The following PPP1CB variants were observed in gnomAD, a reference collection of about 807,000 sequenced individuals.
The protein encoded by PPP1CB is protein phosphatase 1 catalytic subunit beta, also known as serine/threonine-protein phosphatase PP1-beta catalytic subunit.
Under a neutral mutation model 43.7 loss-of-function variants are expected in PPP1CB, and 2 were observed. The observed-to-expected ratio is 0.05, with a 90% CI of 0.02 to 0.14. The LOEUF (loss-of-function observed/expected upper bound fraction) is 0.14. Among genes scored for constraint, PPP1CB ranks in the 10% least tolerant of loss-of-function variants. The probability of loss-of-function intolerance (pLI) is 1.00; values close to 1 mark genes in which losing one functional copy is unlikely to be tolerated. For missense variants in PPP1CB, 84 were observed against 398.0 expected, an observed-to-expected ratio of 0.21 and a Z score of 6.71; for synonymous variants, 136 against 135.6, an observed-to-expected ratio of 1.00 and a Z score of -0.02.
chr2:28,792,068 C>T lies in PPP1CB; in HGVS notation c.745-1795C>T, dbSNP rs371223590. ...AAAAATACAAAAAACTGGCTGGGCA[C>T]CGTGGCTCACGCCTGAAGTCCCAGC... On this transcript the variant is annotated intron_variant, in intron 6 of 7. Transcript: ENST00000395366. 2.6e-5 allele frequency among the ~76,000 whole-genome samples: 4 copies of T among 152,148 alleles called. No homozygotes were observed. In the East Asian group the frequency reaches 7.7e-4, roughly 29 times the overall value.
At chr2:28,766,275 G>A (rs747378104) in intron 1 of PPP1CB, among the ~76,000 whole-genome samples, 2 of 152,126 alleles carry the variant, frequency 1.3e-5, no homozygotes, top group Non-Finnish European at 2.9e-5. Context: ...GGCCAAATGA[G>A]GATATTCAGC....
At chr2:28,757,142 T>A (rs1182353877) in intron 1 of PPP1CB, among the ~76,000 whole-genome samples, 1 of 152,226 alleles carries the variant, frequency 6.6e-6, no homozygotes, top group Non-Finnish European at 1.5e-5. Flanking sequence ...TCATACAATA[T>A]GTTGTCTTTT....
chr2:28,759,520 CAAAAAAAAAAAA>C lies in PPP1CB; in HGVS notation c.52+7359_52+7370del, dbSNP rs559532367. 2.1e-3 allele frequency among the ~76,000 whole-genome samples: 207 copies of C among 100,824 alleles called. 1 individual carries two copies. Among genetic ancestry groups the C allele is most frequent in the African/African-American group, 6.7e-3 (184 of 27,470 alleles). The allele number at this position is 100,824 out of a possible 152,430, so 66.1% of individuals were successfully genotyped here. A position where few individuals can be genotyped will look rare whatever the true frequency, so the allele number is the denominator to read the frequency against. On this transcript the variant is annotated intron_variant, in intron 1 of 7. Coordinates refer to ENST00000395366, the MANE Select transcript of PPP1CB (RefSeq NM_002709.3). ...GGGCGAAAGAGTGAGACTGCATCTCCAAAAAAAAAAAAAAAAAAAAAAAAAAGTATAACACAA... is the reference window on the plus strand; with the variant it reads ...GGGCGAAAGAGTGAGACTGCATCTCCAAAAAAAAAAAAAAGTATAACACAA...
rs945012948 is a variant in PPP1CB, at chr2:28,793,982, G to A, written c.864G>A (p.Leu288=). The part of the protein sequence containing the change: ...AGGMMSVDET[L]MCSFQILKPS... ...GAATGATGAGTGTGGATGAAACTTT[G>A]ATGTGTTCATTTCAGGTATGATGTA... Residue 288 remains leucine (L), a synonymous_variant, in exon 7 of 8, where the codon TTG becomes TTA. Transcript: ENST00000395366. 1.2e-6 allele frequency: 2 copies of A among 1,613,096 alleles called. No homozygotes were observed. The highest frequency in any genetic ancestry group is 2.7e-5 in the African/African-American group (2 of 74,900).
In PPP1CB at chr2:28,752,755, T is replaced by C. The variant is rs1195319564; in HGVS notation, c.52+579T>C. On this transcript the variant is annotated intron_variant, in intron 1 of 7. Transcript: ENST00000395366. Reference sequence around the variant, plus strand: ...AAGAGAGGATAAAATTAGCGGGAATTAATCTACCGTTTGTTACTTGGCCTA... The same window carrying C: ...AAGAGAGGATAAAATTAGCGGGAATCAATCTACCGTTTGTTACTTGGCCTA... Among the ~76,000 whole-genome samples the C allele has an allele frequency of 2.0e-5, 3 of 152,342 alleles. No homozygotes were observed. The East Asian group carries it at 5.8e-4, about 29-fold the overall frequency.
intron 5 of PPP1CB, among the ~76,000 whole-genome samples, chr2:28,785,030 A>T (rs1205723042): frequency 6.9e-6 from 1 of 145,394 alleles, no homozygotes; most frequent in Non-Finnish European, 1.5e-5. Flanking sequence ...GTAGCCATGT[A>T]ATACACTGTA....
chr2:28,798,476 T>A (rs1667541483), intron 7 of PPP1CB, among the ~76,000 whole-genome samples: 1 of 152,102 alleles, frequency 6.6e-6, no homozygotes, highest in Non-Finnish European at 1.5e-5. Context: ...TAAACTGTGG[T>A]ACATCCATAC....
In PPP1CB at chr2:28,751,919, T is replaced by C; in HGVS notation, c.-206T>C. On this transcript the variant is annotated 5_prime_UTR_variant, in exon 1 of 8. Coordinates refer to ENST00000395366, the MANE Select transcript of PPP1CB (RefSeq NM_002709.3). ...GGGGCCTCTCTTGTTTATTTATTTA[T>C]TTTCCGTGGGTGCCTCCGAGTGTGC... The C allele has an allele frequency of 1.6e-6, 1 of 620,862 alleles. No individual in the cohort carries two copies. The highest frequency in any genetic ancestry group is 2.9e-6 in the Non-Finnish European group (1 of 345,322). The allele number at this position is 620,862 out of a possible 1,614,324, so 38.5% of individuals were successfully genotyped here. A position where few individuals can be genotyped will look rare whatever the true frequency, so the allele number is the denominator to read the frequency against.
chr2:28,778,714 G>A (rs1460797451), intron 2 of PPP1CB, 95 bp from the exon 3 acceptor site: 2 of 760,188 alleles, frequency 2.6e-6, no homozygotes, highest in East Asian at 5.2e-5. Context: ...AAGGGTAGGG[G>A]AGGATTACAC....
chr2:28,752,994 G>T (rs1008620710), intron 1 of PPP1CB, among the ~76,000 whole-genome samples: 1 of 152,226 alleles, frequency 6.6e-6, no homozygotes, highest in African/African-American at 2.4e-5. Flanking sequence ...CCGGGCTCAA[G>T]TGTTCTTATT....
chr2:28,759,615 C>CTT (rs553922624), intron 1 of PPP1CB, among the ~76,000 whole-genome samples: 1 of 145,662 alleles, frequency 6.9e-6, no homozygotes, highest in Non-Finnish European at 1.5e-5. Flanking sequence ...ATATATTTAC[C>CTT]TTTTTTTTTT....
intron 6 of PPP1CB, among the ~76,000 whole-genome samples, chr2:28,792,041 AAAAAAATAC>A (rs1056697435): frequency 1.1e-4 from 16 of 152,204 alleles, no homozygotes; most frequent in African/African-American, 3.9e-4. Flanking sequence ...CTGTCTCTAC[AAAAAAATAC>A]AAAAAACTGG....
intron 7 of PPP1CB, among the ~76,000 whole-genome samples, chr2:28,795,011 A>G (rs971750782): frequency 1.3e-5 from 2 of 152,118 alleles, no homozygotes; most frequent in African/African-American, 4.8e-5. Context: ...CCACTCTAGT[A>G]GTCCCCAGTG....
At chr2:28,769,308 C>T (rs1251329872) in intron 1 of PPP1CB, among the ~76,000 whole-genome samples, 1 of 152,174 alleles carries the variant, frequency 6.6e-6, no homozygotes, top group Non-Finnish European at 1.5e-5. Context: ...GTGATCTTGG[C>T]TAACTGCAAC....
intron 1 of PPP1CB, among the ~76,000 whole-genome samples, chr2:28,764,494 C>T (rs1420600278): frequency 6.6e-6 from 1 of 151,542 alleles, no homozygotes. Context: ...CACATTTTAG[C>T]CAATTGTAGA....
At chr2:28,782,368 C>T (rs1024232716) in intron 4 of PPP1CB, 7 of 159,814 alleles carry the variant, frequency 4.4e-5, no homozygotes, top group African/African-American at 1.7e-4. Flanking sequence ...ATGTATATGT[C>T]TAACACCTAG....
chr2:28,783,866 T>A (rs189306644), intron 4 of PPP1CB, 41 bp from the exon 5 acceptor site: 6 of 1,380,826 alleles, frequency 4.3e-6, no homozygotes, highest in Non-Finnish European at 5.1e-6. Context: ...AATATTAAAA[T>A]TTTTAGCTGT....
intron 1 of PPP1CB, among the ~76,000 whole-genome samples, chr2:28,775,815 C>A (rs1482441637): frequency 2.0e-5 from 3 of 152,110 alleles, no homozygotes; most frequent in Non-Finnish European, 2.9e-5. Context: ...ATAAGGAACT[C>A]TTCTGTCTCT....
At chr2:28,777,943 C>G (rs888305527) in intron 2 of PPP1CB, among the ~76,000 whole-genome samples, 2 of 152,152 alleles carry the variant, frequency 1.3e-5, no homozygotes, top group African/African-American at 4.8e-5. Flanking sequence ...CATGAGCCAC[C>G]GCAGCTGGCC....
Sources: allele counts gnomAD v4.1 joint callset (sites outside exome capture counted in the v4.1 genomes callset), GRCh38; gene constraint gnomAD v4.1.1; transcripts MANE v1.5; gene names NCBI Gene and HGNC (gene_info 2026-07-23, HGNC 2026-07-21).